SMG6: variants seen among roughly 807,000 people sequenced by gnomAD.
The protein encoded by SMG6 is telomerase-binding protein EST1A.
A neutral mutation model predicts 142.2 loss-of-function variants in SMG6; 66 were observed. That is an observed-to-expected ratio of 0.46 (90% CI 0.38 to 0.57). The LOEUF is 0.57. Among genes scored for constraint, SMG6 ranks in the 20% least tolerant of loss-of-function variants. The pLI is 0.00. For synonymous variants in SMG6, 779 were observed against 702.4 expected (o/e 1.11, Z -1.72); for missense variants, 1,793 against 1,832.0 (o/e 0.98, Z 0.39).
intron 14 of SMG6, among the ~76,000 whole-genome samples, chr17:2,084,750 T>C (rs1202138194): frequency 2.0e-5 from 3 of 152,224 alleles, no homozygotes; most frequent in Non-Finnish European, 4.4e-5. Context: ...CCCATGTTCC[T>C]TCCCACCTAA....
At chr17:2,113,715 C>T (rs908466586) in intron 13 of SMG6, among the ~76,000 whole-genome samples, 17 of 152,298 alleles carry the variant, frequency 1.1e-4, no homozygotes, top group African/African-American at 4.1e-4. Context: ...CTTTCCTGGA[C>T]CTTTGGGGTA....
chr17:2,149,644 G>A (rs1028703199), intron 13 of SMG6, among the ~76,000 whole-genome samples: 2 of 152,148 alleles, frequency 1.3e-5, no homozygotes, highest in Admixed American at 1.3e-4. Context: ...TGACATCGTG[G>A]TCTGACTGGC....
intron 10 of SMG6, chr17:2,232,996 T>G (rs889807410): frequency 6.6e-6 from 1 of 152,216 alleles, no homozygotes; most frequent in African/African-American, 2.4e-5. Context: ...CAGTAAAACG[T>G]TAGCAACAAT....
At position 2,133,180 on chromosome 17, in the gene SMG6, G is replaced by C. The variant is rs527965510; in HGVS notation, c.3357+39478C>G. On this transcript the variant is annotated intron_variant, in intron 13 of 18. Coordinates refer to ENST00000263073, the MANE Select transcript of SMG6 (RefSeq NM_017575.5). ...GAATCACGTGAACCCGGGAGACAGA[G>C]GCTGCAGTGAGCGAGATGGCGTCAC... 7.2e-5 allele frequency among the ~76,000 whole-genome samples: 11 copies of C among 152,264 alleles called. No individual in the cohort carries two copies. The East Asian group carries it at 2.1e-3, about 29-fold the overall frequency.
chr17:2,173,876 T>A, intron 12 of SMG6, among the ~76,000 whole-genome samples: 1 of 130,858 alleles, frequency 7.6e-6, no homozygotes. Context: ...TTTTTTGGCC[T>A]GCCCAGGGAT....
chr17:2,216,754 C>T (rs1034476432), intron 10 of SMG6, among the ~76,000 whole-genome samples: 3 of 152,132 alleles, frequency 2.0e-5, no homozygotes, highest in Non-Finnish European at 2.9e-5. Context: ...CTCTTGTCCC[C>T]ATGGAGACAT....
At chr17:2,174,118 G>T (rs1248533033) in intron 12 of SMG6, among the ~76,000 whole-genome samples, 1 of 152,188 alleles carries the variant, frequency 6.6e-6, no homozygotes, top group East Asian at 1.9e-4. Flanking sequence ...ATCATCCTGG[G>T]CGGGGTGTGG....
chr17:2,087,381 C>T, intron 13 of SMG6: 2 of 1,190,352 alleles, frequency 1.7e-6, no homozygotes, highest in African/African-American at 1.6e-5. Flanking sequence ...ACTGTGTGCT[C>T]TGTGGCTGCA....
chr17:2,219,141 T>C (rs1434487376), intron 10 of SMG6, among the ~76,000 whole-genome samples: 1 of 152,030 alleles, frequency 6.6e-6, no homozygotes, highest in Admixed American at 6.6e-5. Flanking sequence ...TCCCCGCACT[T>C]TGGGAGGCGG....
chr17:2,180,729 G>A (rs1019717807), intron 12 of SMG6, among the ~76,000 whole-genome samples: 8 of 152,270 alleles, frequency 5.3e-5, no homozygotes, highest in Admixed American at 2.6e-4. Flanking sequence ...ACAAATTAAA[G>A]ACAGGGAGGG....
At chr17:2,178,830 C>T (rs1293314066) in intron 12 of SMG6, among the ~76,000 whole-genome samples, 1 of 152,172 alleles carries the variant, frequency 6.6e-6, no homozygotes, top group Non-Finnish European at 1.5e-5. Flanking sequence ...GAGCCCTCGG[C>T]GGCCTCCCTG....
rs955378135 is a variant in SMG6 at position 2,172,976 on chromosome 17, G to T, written c.3156-117C>A. On this transcript the variant is annotated intron_variant, in intron 12 of 18. Transcript: ENST00000263073. ...GCAAATGTTGTCTAGGCTGGCATCT[G>T]CCAGGAAATCATACCCCAAAAATGC... 9 of 997,638 alleles carry T rather than the reference G, an allele frequency of 9.0e-6. No individual in the cohort carries two copies. In the African/African-American group the frequency reaches 1.1e-4, roughly 13 times the overall value. 61.8% of individuals were successfully genotyped at this position (997,638 alleles called of 1,614,324 possible). A position where few individuals can be genotyped will look rare whatever the true frequency, so the allele number is the denominator to read the frequency against.
intron 13 of SMG6, among the ~76,000 whole-genome samples, chr17:2,134,582 G>A (rs907836240): frequency 2.0e-5 from 3 of 152,032 alleles, no homozygotes; most frequent in Admixed American, 6.6e-5. Flanking sequence ...TAACAATGAA[G>A]GCATAAAGAC....
rs1445665691 is a variant in SMG6 at position 2,299,153 on chromosome 17, G to A, written c.1600C>T (p.Pro534Ser). The A allele has an allele frequency of 1.9e-6, 3 of 1,612,914 alleles. No individual in the cohort carries two copies. In the East Asian group the frequency reaches 6.7e-5, roughly 36 times the overall value. ...GYNPLQYPVG[P>S]TNGVYPGPYY... ...GGCCCTGGGTACACACCATTCGTAG[G>A]GCCCACTGGGTACTGTAGAGGGTTA... The change falls in exon 2 of 19, where the codon CCT becomes TCT. Residue 534 changes from proline to serine, a missense_variant. Transcript: ENST00000263073. This position sits in a 1 kb window ranked among gnomAD's most constrained non-coding sequence, Gnocchi z 4.3.
intron 10 of SMG6, among the ~76,000 whole-genome samples, chr17:2,229,102 A>G (rs2073398340): frequency 6.6e-6 from 1 of 152,184 alleles, no homozygotes; most frequent in Non-Finnish European, 1.5e-5. Context: ...AAGAGACACT[A>G]TGTATCCTAA....
intron 13 of SMG6, among the ~76,000 whole-genome samples, chr17:2,117,381 T>C (rs141998384): frequency 2.3e-4 from 35 of 152,304 alleles, no homozygotes; most frequent in Non-Finnish European, 4.0e-4. Flanking sequence ...GCAGATGACA[T>C]GATTGTTTAA....
chr17:2,181,460 G>A (rs2071803404), intron 12 of SMG6, among the ~76,000 whole-genome samples: 1 of 152,250 alleles, frequency 6.6e-6, no homozygotes, highest in South Asian at 2.1e-4. Flanking sequence ...ACTGCAGAGA[G>A]AGAAAGAAAG....
At chr17:2,134,181 A>C (rs2070214186) in intron 13 of SMG6, among the ~76,000 whole-genome samples, 1 of 152,048 alleles carries the variant, frequency 6.6e-6, no homozygotes, top group Admixed American at 6.6e-5. Context: ...CCACTTTGGG[A>C]GGCCGATGTG....
intron 12 of SMG6, among the ~76,000 whole-genome samples, chr17:2,179,465 C>A (rs542565738): frequency 6.6e-6 from 1 of 152,264 alleles, no homozygotes; most frequent in South Asian, 2.1e-4. Flanking sequence ...CCCTACGTAT[C>A]CCTCTTTCTC....
Sources: allele counts gnomAD v4.1 joint callset (sites outside exome capture counted in the v4.1 genomes callset), GRCh38; gene constraint gnomAD v4.1.1; non-coding constraint Gnocchi (gnomAD v3.1); transcripts MANE v1.5; gene names NCBI Gene and HGNC (gene_info 2026-07-23, HGNC 2026-07-21).